The following EYS variants were observed in gnomAD, a reference collection of about 807,000 sequenced individuals.
The protein encoded by EYS is protein eyes shut homolog.
Under a neutral mutation model 282.1 loss-of-function variants are expected in EYS, and 250 were observed. That is an observed-to-expected ratio of 0.89 (90% CI 0.80 to 0.98). The LOEUF (loss-of-function observed/expected upper bound fraction) is 0.98. Among genes scored for constraint, EYS ranks in the 50% least tolerant of loss-of-function variants. The pLI, the probability that EYS is intolerant of heterozygous loss-of-function variation, is 0.00. For missense variants in EYS, 4,016 were observed against 3,709.0 expected (o/e 1.08, Z -2.15); for synonymous variants, 1,355 against 1,282.9 (o/e 1.06, Z -1.20).
chr6:63,895,445 T>G (rs1033558017), intron 35 of EYS, among the ~76,000 whole-genome samples: 1 of 152,214 alleles, frequency 6.6e-6, no homozygotes, highest in African/African-American at 2.4e-5. Context: ...TCACAGCTAG[T>G]TAGCAGAGTT....
chr6:64,633,884 G>A (rs1332078528), intron 22 of EYS, among the ~76,000 whole-genome samples: 1 of 152,120 alleles, frequency 6.6e-6, no homozygotes, highest in Non-Finnish European at 1.5e-5. Flanking sequence ...CGCATCTTGA[G>A]TGCAACCTCC....
chr6:64,043,976 C>A (rs898968684), intron 33 of EYS, among the ~76,000 whole-genome samples: 3 of 152,180 alleles, frequency 2.0e-5, no homozygotes, highest in African/African-American at 7.2e-5. Context: ...ACTTGAGGAA[C>A]TTTTCATGAA....
chr6:65,376,109 T>A (rs1036759724), intron 8 of EYS, among the ~76,000 whole-genome samples: 21 of 152,078 alleles, frequency 1.4e-4, no homozygotes, highest in Non-Finnish European at 1.5e-5. Context: ...GGAAAAAATG[T>A]TAAGGGCAGC....
At chr6:65,081,822 C>T (rs1017398382) in intron 12 of EYS, among the ~76,000 whole-genome samples, 3 of 152,000 alleles carry the variant, frequency 2.0e-5, no homozygotes, top group Non-Finnish European at 2.9e-5. Context: ...CTGCTGAAAA[C>T]CCTTTACTTC....
chr6:64,651,199 T>A (rs1768544935), intron 22 of EYS, among the ~76,000 whole-genome samples: 1 of 152,152 alleles, frequency 6.6e-6, no homozygotes, highest in South Asian at 2.1e-4. Flanking sequence ...AAGGATAGAA[T>A]GGTTACGTAT....
At chr6:65,145,961 A>G (rs1021473285) in intron 12 of EYS, among the ~76,000 whole-genome samples, 4 of 151,768 alleles carry the variant, frequency 2.6e-5, no homozygotes, top group Non-Finnish European at 4.4e-5. Flanking sequence ...AGTATAATTT[A>G]ATTTATATTT....
At chr6:65,350,121 C>CT (rs201062121) in intron 9 of EYS, among the ~76,000 whole-genome samples, 12 of 151,326 alleles carry the variant, frequency 7.9e-5, no homozygotes, top group African/African-American at 2.7e-4. Flanking sequence ...TACTAAACCA[C>CT]TTTTTTTAAT....
At chr6:64,704,660 T>G (rs2149928047) in intron 22 of EYS, among the ~76,000 whole-genome samples, 1 of 151,872 alleles carries the variant, frequency 6.6e-6, no homozygotes, top group South Asian at 2.1e-4. Context: ...ATGACTCACC[T>G]GCAATTTCCT....
chr6:64,355,648 G>A (rs1329645756), intron 29 of EYS, among the ~76,000 whole-genome samples: 1 of 151,532 alleles, frequency 6.6e-6, no homozygotes, highest in Non-Finnish European at 1.5e-5. Flanking sequence ...TTATTTCCTG[G>A]GAGATGCTAA....
chr6:64,320,054 G>A (rs1160256980), intron 29 of EYS, among the ~76,000 whole-genome samples: 1 of 151,884 alleles, frequency 6.6e-6, no homozygotes, highest in Non-Finnish European at 1.5e-5. Flanking sequence ...TATTTTGAGT[G>A]ACATTTTTTG....
At position 64,308,673 on chromosome 6, in the gene EYS, T is replaced by C. The variant is rs1769551961; in HGVS notation, c.6079-1591A>G. 2.6e-5 allele frequency among the ~76,000 whole-genome samples: 4 copies of C among 152,214 alleles called. No homozygotes were observed. The South Asian group carries it at 8.3e-4, about 31-fold the overall frequency. ...AAATAATAGAATAAGGCCTTTGTCT[T>C]GTTTAGAAATTTCAGGATTAATATA... On this transcript the variant is annotated intron_variant, in intron 29 of 42. Transcript: ENST00000503581.
chr6:64,866,437 G>GT (rs950888130), intron 19 of EYS, among the ~76,000 whole-genome samples: 42 of 151,880 alleles, frequency 2.8e-4, no homozygotes, highest in Middle Eastern at 3.4e-3. Flanking sequence ...AGCTTCTCAG[G>GT]TTTTTTCTTT....
chr6:65,617,545 T>TA (rs1766249279), intron 2 of EYS, among the ~76,000 whole-genome samples: 1 of 151,514 alleles, frequency 6.6e-6, no homozygotes, highest in South Asian at 2.1e-4. Context: ...ATTTATAATA[T>TA]ATTTTTTAAA....
intron 31 of EYS, among the ~76,000 whole-genome samples, chr6:64,154,440 C>T (rs1185841098): frequency 1.7e-5 from 1 of 59,494 alleles, no homozygotes; most frequent in Non-Finnish European, 3.6e-5. Flanking sequence ...AACTCCGTCT[C>T]AAAAAAAAAA....
chr6:65,365,093 T>G (rs1258434109), intron 8 of EYS, among the ~76,000 whole-genome samples: 2 of 151,698 alleles, frequency 1.3e-5, no homozygotes, highest in Non-Finnish European at 2.9e-5. Flanking sequence ...CAGTCAGGAC[T>G]TCAGCCAACT....
chr6:64,288,964 A>C (rs899743281), intron 30 of EYS, among the ~76,000 whole-genome samples: 2 of 152,116 alleles, frequency 1.3e-5, no homozygotes, highest in Admixed American at 6.6e-5. Flanking sequence ...AAAACCTCCT[A>C]TCTGGTTTTC....
chr6:65,144,957 G>T (rs1451538488), intron 12 of EYS, among the ~76,000 whole-genome samples: 6 of 151,716 alleles, frequency 4.0e-5, no homozygotes, highest in Admixed American at 1.3e-4. Context: ...TTTTAGTAGA[G>T]ACGGGGTTTC....
chr6:63,907,796 C>T (rs1773812208), intron 35 of EYS, among the ~76,000 whole-genome samples: 1 of 151,820 alleles, frequency 6.6e-6, no homozygotes, highest in Non-Finnish European at 1.5e-5. Context: ...GCAGCTCCAG[C>T]GCCTATCATT....
chr6:64,171,651 A>G (rs1000561335), intron 31 of EYS, among the ~76,000 whole-genome samples: 6 of 152,166 alleles, frequency 3.9e-5, no homozygotes, highest in African/African-American at 1.4e-4. Flanking sequence ...GCACGTAACA[A>G]AATACCCAGC....
Sources: allele counts gnomAD v4.1 joint callset (sites outside exome capture counted in the v4.1 genomes callset), GRCh38; gene constraint gnomAD v4.1.1; transcripts MANE v1.5; gene names NCBI Gene and HGNC (gene_info 2026-07-23, HGNC 2026-07-21).